Variants in TMEM132C observed in about 807,000 individuals in gnomAD.
TMEM132C encodes the protein transmembrane protein 132C.
In TMEM132C, 29 loss-of-function variants were observed where a neutral mutation model predicts 61.4. The observed-to-expected ratio is 0.47, with a 90% CI of 0.35 to 0.64. TMEM132C has a LOEUF of 0.64. Among genes scored for constraint, TMEM132C ranks in the 30% least tolerant of loss-of-function variants. The pLI, the probability that TMEM132C is intolerant of heterozygous loss-of-function variation, is 0.00. For missense variants in TMEM132C, 1,408 were observed against 1,476.9 expected (o/e 0.95, Z 0.76); for synonymous variants, 656 against 633.1 (o/e 1.04, Z -0.54).
intron 1 of TMEM132C, among the ~76,000 whole-genome samples, chr12:128,365,409 C>T (rs938794449): frequency 1.3e-5 from 2 of 152,154 alleles, no homozygotes; most frequent in African/African-American, 2.4e-5. Flanking sequence ...TATTATTTTA[C>T]ACTATTATAC....
In TMEM132C at chr12:128,612,747, C is replaced by T. The variant is rs539280055; in HGVS notation, c.1122-3405C>T. Among the ~76,000 whole-genome samples, 21 of 152,326 alleles carry T rather than the reference C, an allele frequency of 1.4e-4. No homozygotes were observed. In the South Asian group the frequency reaches 2.9e-3, roughly 21 times the overall value. On this transcript the variant is annotated intron_variant, in intron 3 of 8. Transcript: ENST00000435159. The stretch of plus-strand genomic sequence containing the variant: ...TATGCCAACTACAACAAAACGCTTT[C>T]GGGAGGTCACCTCACTGCTCACAAA...
intron 3 of TMEM132C, among the ~76,000 whole-genome samples, chr12:128,550,836 T>C (rs7965315): frequency 0.029 from 4,438 of 152,234 alleles, 259 homozygotes; most frequent in African/African-American, 0.1. Context: ...CCCCTCACTT[T>C]TGTGCACTTG....
intron 4 of TMEM132C, among the ~76,000 whole-genome samples, chr12:128,616,763 C>G (rs1408048869): frequency 6.6e-6 from 1 of 152,176 alleles, no homozygotes; most frequent in Non-Finnish European, 1.5e-5. Flanking sequence ...GCATTGAACT[C>G]TCAGAGGCTG....
At position 128,271,623 on chromosome 12, in the gene TMEM132C, G is replaced by A. The variant is rs182873522; in HGVS notation, c.85+4136G>A. Among the ~76,000 whole-genome samples the A allele has an allele frequency of 1.8e-3, 272 of 152,286 alleles. 1 individual carries two copies. Among genetic ancestry groups the A allele is most frequent in the African/African-American group, 5.9e-3 (245 of 41,560 alleles). ...TCTTTTATGGCTACCTTGTGCCAAA[G>A]CTGAGCAGGGGTGTCCTCCTCTGGA... is the stretch of plus-strand genomic sequence containing the variant. On this transcript the variant is annotated intron_variant, in intron 1 of 8. Coordinates refer to ENST00000435159, the MANE Select transcript of TMEM132C (RefSeq NM_001136103.3).
rs535026164 is a variant in TMEM132C, at chr12:128,626,203, TGCAACCTTCGCCTCCCAGGTTCAA to T, written c.1305+9873_1305+9896del. 3.0e-3 allele frequency among the ~76,000 whole-genome samples: 451 copies of T among 151,492 alleles called. 3 individuals are homozygous for T. The highest frequency in any genetic ancestry group is 0.01 in the African/African-American group (424 of 41,134). ...GTGCAGTGGTGCGATCTCGGTTCACTGCAACCTTCGCCTCCCAGGTTCAAGCAATTCTCGTGCCTCAGCCTCCCA... is the reference window on the plus strand; with the variant it reads ...GTGCAGTGGTGCGATCTCGGTTCACTGCAATTCTCGTGCCTCAGCCTCCCA... On this transcript the variant is annotated intron_variant, in intron 4 of 8. Coordinates refer to ENST00000435159, the MANE Select transcript of TMEM132C (RefSeq NM_001136103.3).
intron 4 of TMEM132C, among the ~76,000 whole-genome samples, chr12:128,665,860 TAC>T (rs1259607187): frequency 3.3e-5 from 1 of 30,042 alleles, no homozygotes; most frequent in South Asian, 1.1e-3. Flanking sequence ...CACACACACA[TAC>T]ACACAGGCAC....
intron 1 of TMEM132C, among the ~76,000 whole-genome samples, chr12:128,378,242 G>C (rs901209639): frequency 6.6e-6 from 1 of 151,938 alleles, no homozygotes. Context: ...AGCCTCCCGA[G>C]TAGCTGGGAC....
At chr12:128,445,783 G>A (rs997122681) in intron 2 of TMEM132C, among the ~76,000 whole-genome samples, 1 of 152,136 alleles carries the variant, frequency 6.6e-6, no homozygotes, top group African/African-American at 2.4e-5. Flanking sequence ...CCATAATAGA[G>A]TAAATGGTGA....
intron 1 of TMEM132C, among the ~76,000 whole-genome samples, chr12:128,331,285 G>A (rs12812490): frequency 0.034 from 5,207 of 152,218 alleles, 194 homozygotes; most frequent in African/African-American, 0.095. Context: ...ATAAGCAATC[G>A]AGTTTTATCT....
rs149908484 is a variant in TMEM132C at position 128,575,357 on chromosome 12, T to C, written c.1121+31254T>C. Among the ~76,000 whole-genome samples the C allele has an allele frequency of 9.1e-3, 1,380 of 152,244 alleles. 24 individuals carry two copies. Among genetic ancestry groups the C allele is most frequent in the African/African-American group, 0.032 (1,310 of 41,548 alleles). ...AGCTGGACATGATGATGTGCACCTA[T>C]AGTCCCAGCTACTGGGGAGACTGAG... On this transcript the variant is annotated intron_variant, in intron 3 of 8. Transcript: ENST00000435159.
At chr12:128,569,425 T>C (rs1176308559) in intron 3 of TMEM132C, among the ~76,000 whole-genome samples, 1 of 152,214 alleles carries the variant, frequency 6.6e-6, no homozygotes, top group African/African-American at 2.4e-5. Flanking sequence ...AGACAGATGT[T>C]AAAAGCACTA....
intron 1 of TMEM132C, among the ~76,000 whole-genome samples, chr12:128,383,193 C>T (rs991959106): frequency 6.6e-6 from 1 of 151,894 alleles, no homozygotes; most frequent in Admixed American, 6.6e-5. Context: ...CGCATGTGCA[C>T]CCCTGTGTAC....
At chr12:128,377,614 T>C (rs530457693) in intron 1 of TMEM132C, among the ~76,000 whole-genome samples, 14 of 152,192 alleles carry the variant, frequency 9.2e-5, no homozygotes, top group Non-Finnish European at 2.1e-4. Flanking sequence ...ATGAGACTTT[T>C]ATTTTGGTGA....
chr12:128,457,929 C>A lies in TMEM132C; in HGVS notation c.974+42309C>A, dbSNP rs182085866. On this transcript the variant is annotated intron_variant, in intron 2 of 8. Coordinates refer to ENST00000435159, the MANE Select transcript of TMEM132C (RefSeq NM_001136103.3). ...GACCAGAGTCCCTGTTTTGCACTGC[C>A]GGCCACATGACAGTGGGAGTTGTCA... Among the ~76,000 whole-genome samples the A allele has an allele frequency of 2.4e-3, 362 of 152,114 alleles. 4 individuals carry two copies. Among genetic ancestry groups the A allele is most frequent in the Non-Finnish European group, 1.2e-3 (82 of 67,994 alleles).
At chr12:128,596,777 C>T (rs73426492) in intron 3 of TMEM132C, among the ~76,000 whole-genome samples, 2,659 of 152,352 alleles carry the variant, frequency 0.017, 91 homozygotes, top group African/African-American at 0.06. Context: ...CCCGTCACCA[C>T]GCACAGCAGC....
At chr12:128,457,575 CAAA>C (rs61228190) in intron 2 of TMEM132C, among the ~76,000 whole-genome samples, 3 of 89,140 alleles carry the variant, frequency 3.4e-5, no homozygotes, top group Non-Finnish European at 7.1e-5. Context: ...GACTCCATCT[CAAA>C]AAAAAAAAAA....
intron 4 of TMEM132C, among the ~76,000 whole-genome samples, chr12:128,618,976 T>G (rs989418892): frequency 7.9e-5 from 12 of 152,328 alleles, no homozygotes; most frequent in African/African-American, 2.9e-4. Flanking sequence ...TTCTCCTATT[T>G]TCTGTATGTT....
chr12:128,628,216 A>G (rs542828226), intron 4 of TMEM132C, among the ~76,000 whole-genome samples: 2 of 152,188 alleles, frequency 1.3e-5, no homozygotes, highest in Admixed American at 1.3e-4. Context: ...CCTTCCTCAC[A>G]GTAACAGCCT....
intron 2 of TMEM132C, among the ~76,000 whole-genome samples, chr12:128,446,410 C>T (rs1355721436): frequency 1.3e-5 from 2 of 152,200 alleles, no homozygotes; most frequent in African/African-American, 4.8e-5. Context: ...CCCACAAATG[C>T]CAAGCGTCTT....
Sources: allele counts gnomAD v4.1 joint callset (sites outside exome capture counted in the v4.1 genomes callset), GRCh38; gene constraint gnomAD v4.1.1; transcripts MANE v1.5; gene names NCBI Gene and HGNC (gene_info 2026-07-23, HGNC 2026-07-21).